The following ALCAM variants were observed in gnomAD, a reference collection of about 807,000 sequenced individuals.
ALCAM encodes the protein CD166 antigen.
A neutral mutation model predicts 70.9 loss-of-function variants in ALCAM; 30 were observed. The ratio of observed to expected loss-of-function variants is 0.42; its 90% CI spans 0.32 to 0.57. The LOEUF (loss-of-function observed/expected upper bound fraction) is 0.57, where lower values mean the gene tolerates loss of function less well. ALCAM is among the 20% of genes least tolerant of loss of function. ALCAM has a pLI of 0.11. For synonymous variants in ALCAM, 249 were observed against 242.5 expected (o/e 1.03, Z -0.25); for missense variants, 591 against 695.1 (o/e 0.85, Z 1.68).
At chr3:105,451,730 T>A (rs1937433610) in intron 1 of ALCAM, among the ~76,000 whole-genome samples, 1 of 152,250 alleles carries the variant, frequency 6.6e-6, no homozygotes, top group Non-Finnish European at 1.5e-5. Flanking sequence ...GTTTGATCTA[T>A]GAAGAGGCAT....
intron 1 of ALCAM, among the ~76,000 whole-genome samples, chr3:105,416,763 T>C (rs1936517237): frequency 6.6e-6 from 1 of 152,042 alleles, no homozygotes; most frequent in Admixed American, 6.6e-5. Context: ...TGATAACTTC[T>C]TCCTTGAATT....
rs1441491959 is a variant in ALCAM, at chr3:105,571,924, C to G, written c.1737C>G (p.His579Gln). ...EENKKLEENN[H>Q]KTEA Reference sequence around the variant, plus strand: ...ACAAAAAGTTAGAAGAAAACAATCACAAAACTGAAGCCTAAGAGAGAAACT... The same window carrying G: ...ACAAAAAGTTAGAAGAAAACAATCAGAAAACTGAAGCCTAAGAGAGAAACT... The change falls in exon 15 of 16, where the codon CAC becomes CAG. Residue 579 changes from histidine (H) to glutamine (Q), a missense_variant. Physicochemically the swap from His to Gln is conservative, Grantham distance 24. Coordinates refer to ENST00000306107, the MANE Select transcript of ALCAM (RefSeq NM_001627.4). 2.5e-6 allele frequency: 4 copies of G among 1,612,622 alleles called. No homozygotes were observed. Among genetic ancestry groups the G allele is most frequent in the South Asian group, 1.1e-5 (1 of 90,980 alleles).
At chr3:105,411,454 G>A (rs774755852) in intron 1 of ALCAM, among the ~76,000 whole-genome samples, 1 of 152,080 alleles carries the variant, frequency 6.6e-6, no homozygotes, top group Non-Finnish European at 1.5e-5. Context: ...AGTAGCAGCA[G>A]CAGCAGCTGG....
chr3:105,524,747 T>G, intron 3 of ALCAM: 2 of 1,263,324 alleles, frequency 1.6e-6, no homozygotes, highest in Non-Finnish European at 2.0e-6. Context: ...TACTTTGTCA[T>G]GTAAAAATGT....
chr3:105,561,045 A>G (rs190401455), intron 14 of ALCAM, among the ~76,000 whole-genome samples: 7 of 152,242 alleles, frequency 4.6e-5, no homozygotes, highest in African/African-American at 1.2e-4. Flanking sequence ...CTCCTCATTT[A>G]CTTGGCTCTT....
chr3:105,440,235 G>T (rs114099723), intron 1 of ALCAM, among the ~76,000 whole-genome samples: 2 of 152,170 alleles, frequency 1.3e-5, no homozygotes, highest in African/African-American at 2.4e-5. Flanking sequence ...CAAATGAGGC[G>T]AAAGGAAGTC....
At chr3:105,429,604 A>G (rs1936876978) in intron 1 of ALCAM, among the ~76,000 whole-genome samples, 1 of 152,100 alleles carries the variant, frequency 6.6e-6, no homozygotes, top group African/African-American at 2.4e-5. Flanking sequence ...TATCCCTGTG[A>G]CCCTACCTTT....
chr3:105,367,797 T>C (rs1486932616), intron 1 of ALCAM, among the ~76,000 whole-genome samples: 3 of 152,170 alleles, frequency 2.0e-5, no homozygotes, highest in African/African-American at 7.2e-5. Flanking sequence ...GGCGGACTCT[T>C]GCCCTCTGAC....
chr3:105,456,185 TGCTCTCTGCAGGA>T (rs1262614154), intron 1 of ALCAM, among the ~76,000 whole-genome samples: 2 of 152,240 alleles, frequency 1.3e-5, no homozygotes, highest in African/African-American at 2.4e-5. Flanking sequence ...GGGGTAGCCC[TGCTCTCTGCAGGA>T]GCAGTCACAA....
Position 105,485,035 on chromosome 3 carries a change from A to G in ALCAM, c.74-35032A>G, listed in dbSNP as rs144857335. Among the ~76,000 whole-genome samples the G allele has an allele frequency of 1.9e-3, 287 of 152,262 alleles. 3 individuals are homozygous for G. The highest frequency in any genetic ancestry group is 6.7e-3 in the African/African-American group (277 of 41,574). On this transcript the variant is annotated intron_variant, in intron 1 of 15. Transcript: ENST00000306107. ...CATAAATATTTGTTCAAAAATTAAA[A>G]TAGAATAACCTTTTATTCATTGTTC...
rs1940970676 is a variant in ALCAM at position 105,576,869 on chromosome 3, C to CA, written c.*2418_*2419insA. On this transcript the variant is annotated 3_prime_UTR_variant, in exon 16 of 16. Coordinates refer to ENST00000306107, the MANE Select transcript of ALCAM (RefSeq NM_001627.4). The stretch of plus-strand genomic sequence containing the variant: ...AATGGATTAACATACCCGTCTATGC[C>CA]TAAAAGATAATAAAACTGAAATATG... 3 of 152,110 alleles carry CA rather than the reference C, an allele frequency of 2.0e-5. No homozygotes were observed. The highest frequency in any genetic ancestry group is 7.2e-5 in the African/African-American group (3 of 41,422). The allele number at this position is 152,110 out of a possible 1,614,324, so 9.4% of individuals were successfully genotyped here. A position where few individuals can be genotyped will look rare whatever the true frequency, so the allele number is the denominator to read the frequency against.
At chr3:105,564,833 G>A (rs992799351) in intron 14 of ALCAM, among the ~76,000 whole-genome samples, 4 of 152,208 alleles carry the variant, frequency 2.6e-5, no homozygotes, top group Non-Finnish European at 5.9e-5. Flanking sequence ...ATTGCTTGAT[G>A]CCAGGAGTTT....
intron 1 of ALCAM, among the ~76,000 whole-genome samples, chr3:105,490,995 G>T (rs1938568739): frequency 6.6e-6 from 1 of 152,174 alleles, no homozygotes; most frequent in African/African-American, 2.4e-5. Flanking sequence ...CTCCATGAAG[G>T]CCCCACCCTT....
intron 1 of ALCAM, among the ~76,000 whole-genome samples, chr3:105,374,663 C>A (rs1299886577): frequency 6.6e-5 from 10 of 152,172 alleles, no homozygotes; most frequent in South Asian, 2.1e-4. Flanking sequence ...ATTACAGGTG[C>A]CCACCAGCTC....
intron 14 of ALCAM, among the ~76,000 whole-genome samples, chr3:105,568,157 G>A (rs1393616555): frequency 2.0e-5 from 3 of 150,314 alleles, no homozygotes; most frequent in Non-Finnish European, 3.0e-5. Flanking sequence ...CTGCCTCCTG[G>A]GTTCAAGCGA....
At chr3:105,397,694 C>T (rs1261015340) in intron 1 of ALCAM, among the ~76,000 whole-genome samples, 2 of 151,934 alleles carry the variant, frequency 1.3e-5, no homozygotes. Flanking sequence ...ATGATTGTCA[C>T]ATACCTTTTT....
chr3:105,521,112 T>TA (rs571923770), intron 2 of ALCAM, among the ~76,000 whole-genome samples: 1 of 150,660 alleles, frequency 6.6e-6, no homozygotes, highest in South Asian at 2.1e-4. Flanking sequence ...CCATCCTGGC[T>TA]AACAAGGTGA....
chr3:105,500,415 G>T (rs527853995), intron 1 of ALCAM, among the ~76,000 whole-genome samples: 1 of 152,064 alleles, frequency 6.6e-6, no homozygotes, highest in South Asian at 2.1e-4. Context: ...GACATTAAAA[G>T]ATCTCTCTTT....
intron 1 of ALCAM, among the ~76,000 whole-genome samples, chr3:105,435,570 A>G (rs1215600629): frequency 1.3e-5 from 2 of 152,240 alleles, no homozygotes; most frequent in Admixed American, 6.5e-5. Context: ...GTAGCAAGTA[A>G]TAAGATGCTA....
Sources: allele counts gnomAD v4.1 joint callset (sites outside exome capture counted in the v4.1 genomes callset), GRCh38; gene constraint gnomAD v4.1.1; transcripts MANE v1.5; gene names NCBI Gene and HGNC (gene_info 2026-07-23, HGNC 2026-07-21).